BCL9L: variants seen among roughly 807,000 people sequenced by gnomAD.
The protein encoded by BCL9L is B-cell CLL/lymphoma 9-like protein.
BCL9L carries 19 observed loss-of-function variants against 99.4 expected under a neutral mutation model. The ratio of observed to expected loss-of-function variants is 0.19; its 90% confidence interval spans 0.13 to 0.28. The LOEUF (loss-of-function observed/expected upper bound fraction) is 0.28, where lower values mean the gene tolerates loss of function less well. Ranked by LOEUF, BCL9L falls within the 10% of genes least tolerant of loss-of-function variation. The pLI, the probability that BCL9L is intolerant of heterozygous loss-of-function variation, is 1.00. For missense variants in BCL9L, 2,023 were observed against 2,101.6 expected (o/e 0.96, Z 0.73); for synonymous variants, 900 against 854.8 (o/e 1.05, Z -0.92).
chr11:118,902,263 C>A lies in BCL9L; in HGVS notation c.1480G>T (p.Gly494Cys). Residue 494 changes from glycine to cysteine, a missense_variant, in exon 8 of 10, where the codon GGT becomes TGT. Coordinates refer to ENST00000683865, the MANE Select transcript of BCL9L (RefSeq NM_001378213.1). The surrounding 1 kb of genome is among the most constrained non-coding windows in gnomAD (Gnocchi z 7.8). ...TTCATCTGCTGCCCCATGTCCCCAC[C>A]CGGGGGGTGCCCAGGCACTTCATGC... The part of the protein sequence containing the change: ...LEHEVPGHPP[G>C]GDMGQQMNMM... The A allele has an allele frequency of 1.9e-6, 3 of 1,598,760 alleles. No individual in the cohort carries two copies. Among genetic ancestry groups the A allele is most frequent in the Admixed American group, 1.7e-5 (1 of 59,088 alleles).
chr11:118,898,300 T>TCCCCCCCCCCCC lies in BCL9L; in HGVS notation c.*114_*115insGGGGGGGGGGGG. On this transcript the variant is annotated 3_prime_UTR_variant, in exon 10 of 10. Coordinates refer to ENST00000683865, the MANE Select transcript of BCL9L (RefSeq NM_001378213.1). Reference sequence around the variant, plus strand: ...AATGCCACTCCCTACACAAGCCCCCTCCCACCCCCTCCACCCCACCCCGCG... The same window carrying TCCCCCCCCCCCC: ...AATGCCACTCCCTACACAAGCCCCCTCCCCCCCCCCCCCCCACCCCCTCCACCCCACCCCGCG... 6 of 185,470 alleles carry TCCCCCCCCCCCC rather than the reference T, an allele frequency of 3.2e-5. No individual in the cohort carries two copies. Among genetic ancestry groups the TCCCCCCCCCCCC allele is most frequent in the South Asian group, 1.4e-4 (3 of 21,474 alleles). 11.5% of individuals were successfully genotyped at this position (185,470 alleles called of 1,614,324 possible).
rs755199700 is a variant in BCL9L at position 118,900,573 on chromosome 11, A to AGCGC, written c.3124+42_3124+45dup. 41 of 1,553,132 alleles carry AGCGC rather than the reference A, an allele frequency of 2.6e-5. No homozygotes were observed. Among genetic ancestry groups the AGCGC allele is most frequent in the Admixed American group, 3.5e-5 (2 of 56,906 alleles). Reference sequence around the variant, plus strand: ...CAGCCCCAGCATGGACACACTGCTCAGCGCCTGCCTGCCTGCCTGCCTGCC... The same window carrying AGCGC: ...CAGCCCCAGCATGGACACACTGCTCAGCGCGCGCCTGCCTGCCTGCCTGCCTGCC... On this transcript the variant is annotated intron_variant, in intron 8 of 9. Transcript: ENST00000683865. The surrounding 1 kb of genome is among the most constrained non-coding windows in gnomAD (Gnocchi z 5.3).
rs553986814 is a variant in BCL9L at position 118,900,279 on chromosome 11, G to A, written c.3125-81C>T. On this transcript the variant is annotated intron_variant, in intron 8 of 9. Coordinates refer to ENST00000683865, the MANE Select transcript of BCL9L (RefSeq NM_001378213.1). The surrounding 1 kb of genome is among the most constrained non-coding windows in gnomAD (Gnocchi z 5.3). Reference sequence around the variant, plus strand: ...TTGGCTGTGGATATGGGGAGGTTTAGGAAGCGGTCAGTTCCCCAAATCACC... The same window carrying A: ...TTGGCTGTGGATATGGGGAGGTTTAAGAAGCGGTCAGTTCCCCAAATCACC... 8.2e-5 allele frequency: 116 copies of A among 1,409,014 alleles called. No individual in the cohort carries two copies. The South Asian group carries it at 1.6e-3, about 20-fold the overall frequency. 87.3% of individuals were successfully genotyped at this position (1,409,014 alleles called of 1,614,324 possible).
At chr11:118,912,494 C>T (rs1031423553) in intron 2 of BCL9L, among the ~76,000 whole-genome samples, 3 of 152,146 alleles carry the variant, frequency 2.0e-5, no homozygotes, top group African/African-American at 7.2e-5. Flanking sequence ...TCCCCCACCC[C>T]GAGTGACGCG....
chr11:118,910,579 C>G (rs1057468195), intron 2 of BCL9L: 1 of 152,538 alleles, frequency 6.6e-6, no homozygotes, highest in Admixed American at 6.5e-5. Flanking sequence ...CCTCCCCGAC[C>G]GCAAGAATGC....
chr11:118,912,821 C>A (rs1034307578), intron 2 of BCL9L, among the ~76,000 whole-genome samples: 1 of 152,192 alleles, frequency 6.6e-6, no homozygotes, highest in Non-Finnish European at 1.5e-5. Context: ...GCTGCCAGGG[C>A]CCCCTGTGAT....
Position 118,900,778 on chromosome 11 carries a change from T to C in BCL9L, c.2965A>G (p.Thr989Ala). 6.2e-7 allele frequency: 1 copy of C among 1,613,758 alleles called. No homozygotes were observed. The highest frequency in any genetic ancestry group is 8.5e-7 in the Non-Finnish European group (1 of 1,179,892). Residue 989 changes from threonine (T) to alanine (A), a missense_variant, in exon 8 of 10, where the codon ACT becomes GCT. This residue lies in a region of BCL9L where 902 missense variants were observed against 888.2 expected (regional missense o/e 1.02). Transcript: ENST00000683865. This position sits in a 1 kb window ranked among gnomAD's most constrained non-coding sequence, Gnocchi z 5.3. ...GACTTGAGCCTGCTGGGCGAGCCAG[T>C]GGGTGAACGGACACTGAGGGAGGAG... ...LGSSLSVRSP[T>A]GSPSRLKSPS... is the part of the protein sequence containing the mutation.
chr11:118,903,356 G>A lies in BCL9L; in HGVS notation c.629C>T (p.Pro210Leu), dbSNP rs747809459. Residue 210 changes from proline to leucine, a missense_variant, in exon 6 of 10, where the codon CCG (proline) becomes CTG (leucine). By Grantham distance (98) the Pro-to-Leu change is moderately conservative. This residue lies in a region of BCL9L where 1,116 missense variants were observed against 1,194.6 expected (regional missense o/e 0.93). Coordinates refer to ENST00000683865, the MANE Select transcript of BCL9L (RefSeq NM_001378213.1). The surrounding 1 kb of genome is among the most constrained non-coding windows in gnomAD (Gnocchi z 5.6). The stretch of plus-strand genomic sequence containing the variant: ...CCGAAGGCCAGGAGGAGGGCCGTGC[G>A]GGGCGCCTGGCACGCTGCTCTCGCT... ...PLSESSVPGA[P>L]HGPPPGLRPD... 38 of 1,603,824 alleles carry A rather than the reference G, an allele frequency of 2.4e-5. No individual in the cohort carries two copies. The East Asian group carries it at 3.6e-4, about 15-fold the overall frequency.
rs2134444161 is a variant in BCL9L at position 118,921,181 on chromosome 11, G to C, written c.-130-2302C>G. Among the ~76,000 whole-genome samples the C allele has an allele frequency of 6.6e-6, 1 of 152,182 alleles. No homozygotes were observed. The highest frequency in any genetic ancestry group is 3.4e-3 in the Middle Eastern group (1 of 294). On this transcript the variant is annotated intron_variant, in intron 1 of 9. Transcript: ENST00000683865. This position sits in a 1 kb window ranked among gnomAD's most constrained non-coding sequence, Gnocchi z 5.4. ...ATAGAGACAGCCTAGGGGAGCTCAG[G>C]AAACACACATGACATCGGCCAATCA... is the stretch of plus-strand genomic sequence containing the variant.
intron 5 of BCL9L, among the ~76,000 whole-genome samples, chr11:118,907,127 A>G (rs1040814129): frequency 1.6e-4 from 24 of 152,302 alleles, no homozygotes; most frequent in South Asian, 2.1e-4. Flanking sequence ...GGCTTTGCAC[A>G]GCAGAGCCAA....
chr11:118,918,804 CAG>C lies in BCL9L; in HGVS notation c.-77+20_-77+21del, dbSNP rs1257519390. 1 of 152,122 alleles carries C rather than the reference CAG, an allele frequency of 6.6e-6. No homozygotes were observed. The highest frequency in any genetic ancestry group is 2.4e-5 in the African/African-American group (1 of 41,344). The allele number at this position is 152,122 out of a possible 1,614,324, so 9.4% of individuals were successfully genotyped here. On this transcript the variant is annotated intron_variant, in intron 2 of 9. Transcript: ENST00000683865. ...AATCAGGGAGGCTGAGAGGGACACA[CAG>C]GGGCACACAGACCTCTCACCTCAGG... is the stretch of plus-strand genomic sequence containing the variant.
chr11:118,904,667 G>A (rs1042315181), intron 5 of BCL9L, among the ~76,000 whole-genome samples: 6 of 152,152 alleles, frequency 3.9e-5, no homozygotes, highest in African/African-American at 1.4e-4. Flanking sequence ...TTCCTGGCCC[G>A]CAGACAGTAA....
Position 118,900,161 on chromosome 11 carries a change from T to G in BCL9L, c.3162A>C (p.Ser1054=). ...CGCTGGGAGGGTTGGCGGGAGGTGC[T>G]GAGGAGCTGCTCCGGGGGCCGCTAG... is the stretch of plus-strand genomic sequence containing the variant. The part of the protein sequence containing the change: ...LPPSGPRSSS[S]APPANPPSGL... The change falls in exon 9 of 10, where the codon TCA becomes TCC. Residue 1054 remains serine (S), a synonymous_variant. Transcript: ENST00000683865. This position sits in a 1 kb window ranked among gnomAD's most constrained non-coding sequence, Gnocchi z 5.3. 1.2e-6 allele frequency: 2 copies of G among 1,609,646 alleles called. No individual in the cohort carries two copies. Among genetic ancestry groups the G allele is most frequent in the Non-Finnish European group, 1.7e-6 (2 of 1,177,048 alleles).
In BCL9L at chr11:118,907,723, A is replaced by G. The variant is rs976981545; in HGVS notation, c.413-121T>C. The G allele has an allele frequency of 2.8e-6, 4 of 1,453,930 alleles. No homozygotes were observed. In the Admixed American group the frequency reaches 9.0e-5, roughly 33 times the overall value. 90.1% of individuals were successfully genotyped at this position (1,453,930 alleles called of 1,614,324 possible). On this transcript the variant is annotated intron_variant, in intron 4 of 9. Transcript: ENST00000683865. ...CACCCTAGAGGGCACTGCCCAGGCC[A>G]TGGTGGGCACTTCGCCAGCCCGTGG...
At position 118,903,748 on chromosome 11, in the gene BCL9L, A is replaced by C. The variant is rs1940391691; in HGVS notation, c.533-296T>G. On this transcript the variant is annotated intron_variant, in intron 5 of 9. Coordinates refer to ENST00000683865, the MANE Select transcript of BCL9L (RefSeq NM_001378213.1). This position sits in a 1 kb window ranked among gnomAD's most constrained non-coding sequence, Gnocchi z 5.6. The stretch of plus-strand genomic sequence containing the variant: ...ACACACCCTGGGAGGAACGTGTCAC[A>C]CACTCCACTTAACAAAGGAGGAAAT... Among the ~76,000 whole-genome samples, 1 of 152,208 alleles carries C rather than the reference A, an allele frequency of 6.6e-6. No homozygotes were observed. Among genetic ancestry groups the C allele is most frequent in the Non-Finnish European group, 1.5e-5 (1 of 68,030 alleles).
At position 118,897,452 on chromosome 11, in the gene BCL9L, G is replaced by T. The variant is rs528455360; in HGVS notation, c.*963C>A. 1 of 213,718 alleles carries T rather than the reference G, an allele frequency of 4.7e-6. No homozygotes were observed. Among genetic ancestry groups the T allele is most frequent in the South Asian group, 5.2e-5 (1 of 19,108 alleles). 13.2% of individuals were successfully genotyped at this position (213,718 alleles called of 1,614,324 possible). ...GGAAAGCCAGGGCCCCGTGTCACCG[G>T]TGTGGGCAAACACACATGCACGTGC... On this transcript the variant is annotated 3_prime_UTR_variant, in exon 10 of 10. Coordinates refer to ENST00000683865, the MANE Select transcript of BCL9L (RefSeq NM_001378213.1).
intron 1 of BCL9L, among the ~76,000 whole-genome samples, chr11:118,919,104 G>GC (rs1207547961): frequency 6.8e-4 from 7 of 10,308 alleles, no homozygotes; most frequent in East Asian, 3.4e-3. Flanking sequence ...CTGCACCGCT[G>GC]CCCCCCCCCC....
chr11:118,908,368 C>G lies in BCL9L; in HGVS notation c.314G>C (p.Ser105Thr), dbSNP rs376157980. The G allele has an allele frequency of 2.5e-6, 4 of 1,613,734 alleles. No individual in the cohort carries two copies. The highest frequency in any genetic ancestry group is 1.7e-4 in the Middle Eastern group (1 of 6,058). ...CCTCTTCACCTTGCCCTTGAGCGAG[C>G]TGAAAGGGGGCACCCCTGCCTGGGG... The part of the protein sequence containing the change: ...KNPQAGVPPF[S>T]SLKGKVKRDR... Residue 105 changes from serine to threonine, a missense_variant, in exon 4 of 10, where the codon AGC becomes ACC. By Grantham distance (58) the Ser-to-Thr change is moderately conservative. This residue lies in a region of BCL9L where 1,116 missense variants were observed against 1,194.6 expected (regional missense o/e 0.93). Coordinates refer to ENST00000683865, the MANE Select transcript of BCL9L (RefSeq NM_001378213.1).
At chr11:118,918,285 C>CTG (rs1248972607) in intron 2 of BCL9L, among the ~76,000 whole-genome samples, 1 of 148,668 alleles carries the variant, frequency 6.7e-6, no homozygotes, top group Non-Finnish European at 1.5e-5. Context: ...GTGTGTGTGT[C>CTG]TGTGTCTGTG....
Sources: gnomAD v4.1 joint callset for allele counts (sites outside exome capture counted in the v4.1 genomes callset) on GRCh38, gnomAD v4.1.1 for gene constraint, gnomAD v4.1.1 regional missense constraint, Gnocchi (gnomAD v3.1) non-coding constraint, MANE v1.5 for transcripts, NCBI Gene and HGNC (gene_info 2026-07-23, HGNC 2026-07-21) for gene names.